Variants in CCDC158 observed in about 807,000 individuals in gnomAD.
The protein encoded by CCDC158 is coiled-coil domain containing 158.
Under a neutral mutation model 138.6 loss-of-function variants are expected in CCDC158, and 116 were observed. The ratio of observed to expected loss-of-function variants is 0.84; its 90% CI spans 0.72 to 0.98. The LOEUF (loss-of-function observed/expected upper bound fraction) is 0.98. Among genes scored for constraint, CCDC158 ranks in the 50% least tolerant of loss-of-function variants. The probability of loss-of-function intolerance (pLI) is 0.00; values close to 1 mark genes in which losing one functional copy is unlikely to be tolerated. For synonymous variants in CCDC158, 436 were observed against 442.4 expected (o/e 0.99, Z 0.18); for missense variants, 1,265 against 1,306.1 (o/e 0.97, Z 0.48).
chr4:76,362,017 G>A, intron 13 of CCDC158, 109 bp downstream of exon 13: 1 of 779,768 alleles, frequency 1.3e-6, no homozygotes, highest in Admixed American at 2.6e-5. Flanking sequence ...AACTATTCAT[G>A]TTTGTCATGT....
At chr4:76,321,655 A>G (rs551806170) in intron 24 of CCDC158, among the ~76,000 whole-genome samples, 1 of 146,662 alleles carries the variant, frequency 6.8e-6, no homozygotes, top group East Asian at 2.0e-4. Context: ...TCCCCCATAT[A>G]TATACCATGT....
intron 9 of CCDC158, among the ~76,000 whole-genome samples, chr4:76,374,667 T>A (rs1261958887): frequency 2.0e-5 from 3 of 152,228 alleles, no homozygotes. Flanking sequence ...ATTTCCAATT[T>A]GAATTAATCA....
rs149442848 is a variant in CCDC158 at position 76,354,953 on chromosome 4, A to G, written c.2286+371T>C. On this transcript the variant is annotated intron_variant, in intron 15 of 24. Transcript: ENST00000682701. ...CTATTATTTTATGTGTCACTAATAAAATTTGTTAGTGTGGTGCTCCTGATC... is the reference window on the plus strand; with the variant it reads ...CTATTATTTTATGTGTCACTAATAAGATTTGTTAGTGTGGTGCTCCTGATC... 2.9e-3 allele frequency among the ~76,000 whole-genome samples: 435 copies of G among 152,298 alleles called. 2 individuals carry two copies. The highest frequency in any genetic ancestry group is 9.4e-3 in the African/African-American group (390 of 41,560).
intron 1 of CCDC158, among the ~76,000 whole-genome samples, chr4:76,419,727 C>T (rs1274775706): frequency 1.3e-5 from 2 of 151,624 alleles, no homozygotes; most frequent in Non-Finnish European, 2.9e-5. Flanking sequence ...AGATAATTCA[C>T]GATAATCTCT....
chr4:76,315,859 C>A (rs1226392567), intron 24 of CCDC158, among the ~76,000 whole-genome samples: 1 of 152,152 alleles, frequency 6.6e-6, no homozygotes, highest in African/African-American at 2.4e-5. Context: ...GCTAGATGTG[C>A]AAGAACAATA....
intron 2 of CCDC158, among the ~76,000 whole-genome samples, chr4:76,409,824 G>A (rs148073675): frequency 0.029 from 4,409 of 151,362 alleles, 215 homozygotes; most frequent in African/African-American, 0.1. Flanking sequence ...GAGCGAGACT[G>A]TCTCAAAAAA....
intron 21 of CCDC158, among the ~76,000 whole-genome samples, chr4:76,329,616 A>G (rs1720846354): frequency 6.6e-6 from 1 of 152,052 alleles, no homozygotes; most frequent in African/African-American, 2.4e-5. Context: ...GACAACAACA[A>G]CTCATAACAT....
chr4:76,390,412 G>A (rs766079710), intron 4 of CCDC158, among the ~76,000 whole-genome samples: 1 of 151,954 alleles, frequency 6.6e-6, no homozygotes, highest in Non-Finnish European at 1.5e-5. Flanking sequence ...TCAAAGCATG[G>A]TAGTGGGTTA....
intron 24 of CCDC158, among the ~76,000 whole-genome samples, chr4:76,316,028 G>A (rs552357939): frequency 7.2e-5 from 11 of 152,246 alleles, no homozygotes; most frequent in Admixed American, 2.6e-4. Context: ...TCAGAAAAGC[G>A]ATTCTGGAAA....
intron 2 of CCDC158, among the ~76,000 whole-genome samples, chr4:76,411,806 T>C (rs1729317584): frequency 6.6e-6 from 1 of 151,638 alleles, no homozygotes. Flanking sequence ...GCAGTGGAAA[T>C]GTTTCTTTAA....
chr4:76,382,959 C>A (rs1282653914), intron 7 of CCDC158, among the ~76,000 whole-genome samples: 1 of 152,056 alleles, frequency 6.6e-6, no homozygotes, highest in African/African-American at 2.4e-5. Flanking sequence ...TAATAAATTG[C>A]AAGTAGTAAA....
At chr4:76,373,139 G>A (rs532071256) in intron 9 of CCDC158, among the ~76,000 whole-genome samples, 2 of 152,284 alleles carry the variant, frequency 1.3e-5, no homozygotes, top group Admixed American at 6.5e-5. Context: ...GTGAGCCACC[G>A]CGCCCGGCCT....
At chr4:76,330,824 G>T (rs577017017) in intron 21 of CCDC158, among the ~76,000 whole-genome samples, 8 of 152,274 alleles carry the variant, frequency 5.3e-5, no homozygotes, top group Non-Finnish European at 1.0e-4. Context: ...TTTAGTCTCT[G>T]CAGGGGTCCT....
At chr4:76,379,488 T>C in intron 8 of CCDC158, 84 bp from the exon 9 acceptor site, 1 of 653,356 alleles carries the variant, frequency 1.5e-6, no homozygotes, top group South Asian at 3.0e-5. Flanking sequence ...TTTTTGACAC[T>C]ACCACTAGTT....
intron 18 of CCDC158, among the ~76,000 whole-genome samples, chr4:76,339,253 T>G (rs1216598260): frequency 6.6e-6 from 1 of 151,936 alleles, no homozygotes; most frequent in Non-Finnish European, 1.5e-5. Flanking sequence ...TCATTCTTAG[T>G]GGCTAACTGT....
chr4:76,392,494 T>C (rs142312682), intron 4 of CCDC158, among the ~76,000 whole-genome samples: 5 of 151,926 alleles, frequency 3.3e-5, no homozygotes, highest in African/African-American at 7.2e-5. Flanking sequence ...AAGATCAACA[T>C]AATAAAAGTC....
chr4:76,396,667 T>C (rs771913923), intron 3 of CCDC158, among the ~76,000 whole-genome samples, 181 bp from the exon 4 acceptor site: 9 of 151,876 alleles, frequency 5.9e-5, no homozygotes, highest in Non-Finnish European at 1.3e-4. Context: ...CGTGCCACCA[T>C]GCCGGGCTAA....
chr4:76,393,282 A>G (rs1305941904), intron 4 of CCDC158, among the ~76,000 whole-genome samples: 16 of 152,000 alleles, frequency 1.1e-4, no homozygotes, highest in African/African-American at 2.4e-4. Context: ...CATAAAAACA[A>G]ACACATAGAA....
chr4:76,357,610 T>C lies in CCDC158; in HGVS notation c.2021-84A>G, dbSNP rs888627841. The stretch of plus-strand genomic sequence containing the variant: ...AGTATATTTTATTTGTAATTAATGA[T>C]CACAGAATTTTAGAACTGGAAGAGA... On this transcript the variant is annotated intron_variant, in intron 13 of 24. Transcript: ENST00000682701. The C allele has an allele frequency of 2.0e-5, 18 of 914,594 alleles. No individual in the cohort carries two copies. In the East Asian group the frequency reaches 2.7e-4, roughly 14 times the overall value. 56.7% of individuals were successfully genotyped at this position (914,594 alleles called of 1,614,324 possible).
Sources: gnomAD v4.1 joint callset for allele counts (sites outside exome capture counted in the v4.1 genomes callset) on GRCh38, gnomAD v4.1.1 for gene constraint, MANE v1.5 for transcripts, NCBI Gene and HGNC (gene_info 2026-07-23, HGNC 2026-07-21) for gene names.